Variants in TUBE1 observed in about 807,000 individuals in gnomAD.
TUBE1 encodes tubulin epsilon 1, also known as tubulin epsilon chain.
Under a neutral mutation model 53.5 loss-of-function variants are expected in TUBE1, and 34 were observed. The ratio of observed to expected loss-of-function variants is 0.64; its 90% CI spans 0.48 to 0.85. The LOEUF is 0.85. Ranked by LOEUF, TUBE1 falls within the 40% of genes least tolerant of loss-of-function variation. TUBE1 has a pLI of 0.00. For missense variants in TUBE1, 532 were observed against 570.5 expected (o/e 0.93, Z 0.69); for synonymous variants, 177 against 198.4 (o/e 0.89, Z 0.91).
chr6:112,076,646 T>C, intron 6 of TUBE1, 137 bp from the exon 7 acceptor site: 1 of 678,104 alleles, frequency 1.5e-6, no homozygotes, highest in Non-Finnish European at 2.3e-6. Context: ...ATCAGCTCAA[T>C]GCAGCCTTGA....
Position 112,076,458 on chromosome 6 carries a change from A to C in TUBE1, c.500T>G (p.Phe167Cys). ...TFLLKVLEDE[F>C]PEVYRFVTSI... ...AGTCACAAATCTGTATACTTCTGGG[A>C]ATTCGTCTTCAAGCACCTTTAAAAG... Residue 167 changes from phenylalanine (F) to cysteine (C), a missense_variant, in exon 7 of 12, where the codon TTC becomes TGC. Coordinates refer to ENST00000368662, the MANE Select transcript of TUBE1 (RefSeq NM_016262.5). 1 of 1,613,224 alleles carries C rather than the reference A, an allele frequency of 6.2e-7. No homozygotes were observed. Among genetic ancestry groups the C allele is most frequent in the Non-Finnish European group, 8.5e-7 (1 of 1,179,624 alleles).
At chr6:112,087,069 T>C (rs912484899) in intron 2 of TUBE1, 164 bp downstream of exon 2, 1 of 651,244 alleles carries the variant, frequency 1.5e-6, no homozygotes, top group South Asian at 2.0e-5. Flanking sequence ...TCTTTTAGTT[T>C]AGTGTGTGTC....
At chr6:112,073,201 C>G (rs1776899826) in intron 9 of TUBE1, among the ~76,000 whole-genome samples, 1 of 151,988 alleles carries the variant, frequency 6.6e-6, no homozygotes, top group South Asian at 2.1e-4. Flanking sequence ...CTATGTAGTA[C>G]TGATTTTTGA....
At chr6:112,076,594 C>T in intron 6 of TUBE1, 85 bp from the exon 7 acceptor site, 1 of 1,254,670 alleles carries the variant, frequency 8.0e-7, no homozygotes, top group Non-Finnish European at 1.1e-6. Flanking sequence ...TTTTTTGAGA[C>T]AGGGTCTTGC....
chr6:112,075,883 A>G, intron 8 of TUBE1, 54 bp downstream of exon 8: 1 of 1,463,212 alleles, frequency 6.8e-7, no homozygotes, highest in South Asian at 1.5e-5. Context: ...ACAAAAATTC[A>G]AAATATCTCC....
intron 6 of TUBE1, 114 bp downstream of exon 6, chr6:112,079,519 T>G (rs1265510117): frequency 9.6e-7 from 1 of 1,036,308 alleles, no homozygotes; most frequent in Non-Finnish European, 1.4e-6. Flanking sequence ...CTACACACCC[T>G]CCGAATAGTT....
intron 5 of TUBE1, 78 bp from the exon 6 acceptor site, chr6:112,079,832 A>G (rs782249877): frequency 1.4e-6 from 2 of 1,399,730 alleles, no homozygotes; most frequent in Non-Finnish European, 1.9e-6. Context: ...AAATAAAAGG[A>G]TTTTAAACAA....
Position 112,071,360 on chromosome 6 carries a change from AG to A in TUBE1, c.*51del, listed in dbSNP as rs1331426038. ...AAATTACAAAAATGTTGAAACAGAA[AG>A]GTCAGAAAAAACAATGTGAAATTAA... On this transcript the variant is annotated 3_prime_UTR_variant, in exon 12 of 12. Coordinates refer to ENST00000368662, the MANE Select transcript of TUBE1 (RefSeq NM_016262.5). 2.1e-6 allele frequency: 3 copies of A among 1,411,002 alleles called. No homozygotes were observed. Among genetic ancestry groups the A allele is most frequent in the Non-Finnish European group, 2.8e-6 (3 of 1,065,846 alleles). 87.4% of individuals were successfully genotyped at this position (1,411,002 alleles called of 1,614,324 possible). A position where few individuals can be genotyped will look rare whatever the true frequency, so the allele number is the denominator to read the frequency against.
rs782508595 is a variant in TUBE1 at position 112,075,976 on chromosome 6, A to G, written c.773T>C (p.Met258Thr). The G allele has an allele frequency of 3.7e-6, 6 of 1,613,634 alleles. No individual in the cohort carries two copies. The African/African-American group carries it at 8.0e-5, about 22-fold the overall frequency. The change falls in exon 8 of 12, where the codon ATG (methionine) becomes ACG (threonine). Residue 258 changes from methionine (M) to threonine (T), a missense_variant. Physicochemically the swap from Met to Thr is moderately conservative, Grantham distance 81. Transcript: ENST00000368662. ...KKQHKKPFDA[M>T]NNIVANLLLN... ...GAGCAAATTTGCCACAATGTTATTC[A>G]TTGCATCAAAGGGCTTCTTATGCTG...
At chr6:112,072,976 C>T in intron 9 of TUBE1, 78 bp from the exon 10 acceptor site, 2 of 1,388,114 alleles carry the variant, frequency 1.4e-6, no homozygotes, top group Non-Finnish European at 2.0e-6. Flanking sequence ...AGATAGTCCT[C>T]TATAAGTAAG....
At chr6:112,085,744 C>A (rs587658986) in intron 3 of TUBE1, 1 of 470,798 alleles carries the variant, frequency 2.1e-6, no homozygotes, top group African/African-American at 2.0e-5. Flanking sequence ...GTTAGATTTC[C>A]TACAAAAGAT....
intron 8 of TUBE1, chr6:112,075,068 CTTTT>C (rs371166684): frequency 8.7e-4 from 108 of 123,644 alleles, no homozygotes; most frequent in South Asian, 4.2e-3. Context: ...TTTTTTCTTT[CTTTT>C]TTTTTTTTTT....
intron 2 of TUBE1, chr6:112,086,927 T>A: frequency 2.0e-6 from 1 of 497,418 alleles, no homozygotes; most frequent in Non-Finnish European, 3.5e-6. Context: ...AGGAATACAA[T>A]AACCACACGT....
chr6:112,072,095 AT>A lies in TUBE1; in HGVS notation c.1095-20del, dbSNP rs1554315441. On this transcript the variant is annotated intron_variant, in intron 10 of 11. Coordinates refer to ENST00000368662, the MANE Select transcript of TUBE1 (RefSeq NM_016262.5). Reference sequence around the variant, plus strand: ...TTTTAATCTGAGATTAAAAAAAAAAATCTCAGAAGGTGAGAACTAAGGTACT... The same window carrying A: ...TTTTAATCTGAGATTAAAAAAAAAAACTCAGAAGGTGAGAACTAAGGTACT... 2 of 1,551,266 alleles carry A rather than the reference AT, an allele frequency of 1.3e-6. No homozygotes were observed. Among genetic ancestry groups the A allele is most frequent in the Non-Finnish European group, 1.7e-6 (2 of 1,152,654 alleles).
In TUBE1 at chr6:112,084,954, C is replaced by G. The variant is rs1777125448; in HGVS notation, c.153-708G>C. ...ACGGAATATATGAAGGGTAGCCAATCATCAGGCCAAATTCAACTAGCTGCC... is the reference window on the plus strand; with the variant it reads ...ACGGAATATATGAAGGGTAGCCAATGATCAGGCCAAATTCAACTAGCTGCC... On this transcript the variant is annotated intron_variant, in intron 3 of 11. Transcript: ENST00000368662. Among the ~76,000 whole-genome samples the G allele has an allele frequency of 1.3e-5, 2 of 152,218 alleles. 1 individual carries two copies. The highest frequency in any genetic ancestry group is 4.1e-4 in the South Asian group (2 of 4,828).
chr6:112,081,103 T>C lies in TUBE1; in HGVS notation c.315A>G (p.Ser105=). The change falls in exon 5 of 12, where the codon TCA becomes TCG. Residue 105 remains serine, a synonymous_variant. Coordinates refer to ENST00000368662, the MANE Select transcript of TUBE1 (RefSeq NM_016262.5). ...TKQLITDISG[S]GNNWAVGHKV... ...CTGTGTATTCTCACCAATTATTTCCTGAGCCAGAAATATCAGTGATGAGCT... is the reference window on the plus strand; with the variant it reads ...CTGTGTATTCTCACCAATTATTTCCCGAGCCAGAAATATCAGTGATGAGCT... 6.3e-7 allele frequency: 1 copy of C among 1,595,444 alleles called. No individual in the cohort carries two copies. Among genetic ancestry groups the C allele is most frequent in the Non-Finnish European group, 8.6e-7 (1 of 1,168,284 alleles).
chr6:112,074,703 A>G lies in TUBE1; in HGVS notation c.953+7T>C, dbSNP rs782346014. ...CCTCAAAAAATTGAAACAAAGTTACACCTTACCTTCTAGGAGGAATGTTAA... is the reference window on the plus strand; with the variant it reads ...CCTCAAAAAATTGAAACAAAGTTACGCCTTACCTTCTAGGAGGAATGTTAA... On this transcript the variant is annotated splice_region_variant and intron_variant, in intron 9 of 11. Coordinates refer to ENST00000368662, the MANE Select transcript of TUBE1 (RefSeq NM_016262.5). 178 of 1,495,170 alleles carry G rather than the reference A, an allele frequency of 1.2e-4. No homozygotes were observed. Among genetic ancestry groups the G allele is most frequent in the Non-Finnish European group, 1.4e-4 (160 of 1,122,410 alleles). The allele number at this position is 1,495,170 out of a possible 1,614,324, so 92.6% of individuals were successfully genotyped here.
At chr6:112,074,279 ATTC>A (rs1776917578) in intron 9 of TUBE1, among the ~76,000 whole-genome samples, 1 of 151,200 alleles carries the variant, frequency 6.6e-6, no homozygotes, top group Non-Finnish European at 1.5e-5. Context: ...TACATCTGAA[ATTC>A]TTCTATGGTA....
chr6:112,078,054 T>C (rs1286726002), intron 6 of TUBE1: 1 of 152,010 alleles, frequency 6.6e-6, no homozygotes, highest in Non-Finnish European at 1.5e-5. Context: ...TAAAACTAAA[T>C]ACAATTTTGA....
Sources: allele counts gnomAD v4.1 joint callset (sites outside exome capture counted in the v4.1 genomes callset), GRCh38; gene constraint gnomAD v4.1.1; transcripts MANE v1.5; gene names NCBI Gene and HGNC (gene_info 2026-07-23, HGNC 2026-07-21).